The following SLC35B1 variants were observed in gnomAD, a reference collection of about 807,000 sequenced individuals.
SLC35B1 encodes solute carrier family 35 member B1, also known as ATP/ADP exchanger ER.
In SLC35B1, 27 loss-of-function variants were observed where a neutral mutation model predicts 36.6. The observed-to-expected ratio is 0.74, with a 90% confidence interval of 0.54 to 1.02. The LOEUF (loss-of-function observed/expected upper bound fraction) is 1.02. Ranked by LOEUF, SLC35B1 falls within the 50% of genes least tolerant of loss-of-function variation. SLC35B1 has a pLI of 0.00. For missense variants in SLC35B1, 321 were observed against 383.2 expected (o/e 0.84, Z 1.35); for synonymous variants, 162 against 152.5 (o/e 1.06, Z -0.46).
chr17:49,701,749 GATAC>G, intron 8 of SLC35B1: 1 of 455,100 alleles, frequency 2.2e-6, no homozygotes, highest in Admixed American at 3.5e-5. Context: ...GATAGATATA[GATAC>G]ATATATAATA....
Position 49,704,125 on chromosome 17 carries a change from A to C in SLC35B1, c.630T>G (p.Leu210=), listed in dbSNP as rs778971221. 4.3e-6 allele frequency: 7 copies of C among 1,614,074 alleles called. No individual in the cohort carries two copies. In the Admixed American group the frequency reaches 1.2e-4, roughly 27 times the overall value. ...GSNHMMLNIN[L]WSTLLLGMGI... ...CCATTCCCAGCAGCAATGTCGACCA[A>C]AGGTTGATGTTCAGCATCATGTGGT... Residue 210 remains leucine (L), a synonymous_variant, in exon 6 of 9, where the codon CTT becomes CTG. Transcript: ENST00000240333.
intron 1 of SLC35B1, 22 bp downstream of exon 1, chr17:49,707,708 G>A (rs753672811): frequency 6.2e-7 from 1 of 1,606,536 alleles, no homozygotes; most frequent in Non-Finnish European, 8.5e-7. Flanking sequence ...GAGACTGTCG[G>A]CCCGCCCCCG....
intron 8 of SLC35B1, chr17:49,701,867 A>C (rs760539086): frequency 1.4e-5 from 5 of 364,400 alleles, no homozygotes; most frequent in African/African-American, 2.1e-5. Flanking sequence ...AGGCAGGAGG[A>C]TCATTTGAGC....
chr17:49,706,900 T>C lies in SLC35B1; in HGVS notation c.208+65A>G. The C allele has an allele frequency of 7.0e-6, 8 of 1,135,978 alleles. No individual in the cohort carries two copies. In the South Asian group the frequency reaches 8.6e-5, roughly 12 times the overall value. The allele number at this position is 1,135,978 out of a possible 1,614,324, so 70.4% of individuals were successfully genotyped here. Reference sequence around the variant, plus strand: ...CCTTTAAGGTTGAATCAATGCTTAATGCCCAGCATACTGAGGGAACTTGGG... The same window carrying C: ...CCTTTAAGGTTGAATCAATGCTTAACGCCCAGCATACTGAGGGAACTTGGG... On this transcript the variant is annotated intron_variant, in intron 2 of 8. Transcript: ENST00000240333.
chr17:49,707,104 T>C (rs777115003), intron 1 of SLC35B1, 36 bp from the exon 2 acceptor site: 7 of 1,544,294 alleles, frequency 4.5e-6, no homozygotes, highest in Non-Finnish European at 6.3e-6. Flanking sequence ...AGGGAGAAAT[T>C]AGTGTATTTC....
chr17:49,703,398 T>G (rs1364571368), intron 6 of SLC35B1, 104 bp from the exon 7 acceptor site: 1 of 770,344 alleles, frequency 1.3e-6, no homozygotes. Flanking sequence ...ACATGGCCTG[T>G]TAAAGAACTG....
Position 49,704,169 on chromosome 17 carries a change from G to A in SLC35B1, c.586C>T (p.His196Tyr). ...TGVSQDHMRA[H>Y]YQTGSNHMML... ...ATGTGGTTGGAGCCTGTTTGGTAATGAGCCCGCATGTGGTCCTGGGAAACA... is the reference window on the plus strand; with the variant it reads ...ATGTGGTTGGAGCCTGTTTGGTAATAAGCCCGCATGTGGTCCTGGGAAACA... Residue 196 changes from histidine (H) to tyrosine (Y), a missense_variant, in exon 6 of 9, where the codon CAT (histidine) becomes TAT (tyrosine). Coordinates refer to ENST00000240333, the MANE Select transcript of SLC35B1 (RefSeq NM_005827.4). 1 of 1,614,114 alleles carries A rather than the reference G, an allele frequency of 6.2e-7. No homozygotes were observed. Among genetic ancestry groups the A allele is most frequent in the African/African-American group, 1.3e-5 (1 of 75,026 alleles).
chr17:49,706,054 G>A (rs962968399), intron 3 of SLC35B1, 150 bp downstream of exon 3: 21 of 1,294,202 alleles, frequency 1.6e-5, no homozygotes, highest in Middle Eastern at 2.0e-4. Context: ...ACCACTAAAC[G>A]TAAGTTCTAT....
At chr17:49,705,317 C>A (rs1433329202) in intron 4 of SLC35B1, 36 bp from the exon 5 acceptor site, 2 of 1,607,174 alleles carry the variant, frequency 1.2e-6, no homozygotes, top group Non-Finnish European at 1.7e-6. Flanking sequence ...ATTCAGGCAT[C>A]CATAAGGTAT....
In SLC35B1 at chr17:49,701,381, A is replaced by C; in HGVS notation, c.*77T>G. ...GGAACTCAGTCCCATATTCCTATTA[A>C]GTCCATTTTCCCAAGAGATGTCACT... On this transcript the variant is annotated 3_prime_UTR_variant, in exon 9 of 9. Coordinates refer to ENST00000240333, the MANE Select transcript of SLC35B1 (RefSeq NM_005827.4). 1 of 1,141,018 alleles carries C rather than the reference A, an allele frequency of 8.8e-7. No individual in the cohort carries two copies. The highest frequency in any genetic ancestry group is 1.5e-5 in the African/African-American group (1 of 65,548). 70.7% of individuals were successfully genotyped at this position (1,141,018 alleles called of 1,614,324 possible).
chr17:49,703,896 C>T (rs2073382919), intron 6 of SLC35B1: 1 of 560,680 alleles, frequency 1.8e-6, no homozygotes, highest in Non-Finnish European at 3.2e-6. Flanking sequence ...ACACGACTCT[C>T]CTTCATTGTG....
chr17:49,707,337 A>T (rs2073431859), intron 1 of SLC35B1: 1 of 1,433,294 alleles, frequency 7.0e-7, no homozygotes, highest in South Asian at 1.2e-5. Context: ...TAGTGAAATC[A>T]GGTACCCCAG....
At chr17:49,707,698 G>A in intron 1 of SLC35B1, 32 bp downstream of exon 1, 1 of 1,602,078 alleles carries the variant, frequency 6.2e-7, no homozygotes, top group East Asian at 2.2e-5. Context: ...AGGCTGGGGA[G>A]AGACTGTCGG....
rs2073350991 is a variant in SLC35B1, at chr17:49,701,515, GA to G, written c.917-6del. 1 of 1,613,132 alleles carries G rather than the reference GA, an allele frequency of 6.2e-7. No individual in the cohort carries two copies. Among genetic ancestry groups the G allele is most frequent in the South Asian group, 1.1e-5 (1 of 91,058 alleles). ...ACTTGGCATCAAGACCAAGACCTAT[GA>G]AAAGGAAGAAAATGGGCTTAGCCTT... On this transcript the variant is annotated splice_region_variant and splice_polypyrimidine_tract_variant and intron_variant, in intron 8 of 8. Coordinates refer to ENST00000240333, the MANE Select transcript of SLC35B1 (RefSeq NM_005827.4).
chr17:49,706,035 C>G (rs1045041285), intron 3 of SLC35B1, 139 bp from the exon 4 acceptor site: 1 of 1,275,394 alleles, frequency 7.8e-7, no homozygotes, highest in African/African-American at 1.5e-5. Context: ...TATCATGGCC[C>G]AACCCACCAC....
chr17:49,708,066 GC>G, upstream of SLC35B1: 4 of 869,384 alleles, frequency 4.6e-6, no homozygotes, highest in Middle Eastern at 2.2e-4. Flanking sequence ...AAGAAAACCC[GC>G]CCTGGGACCT....
intron 2 of SLC35B1, 110 bp from the exon 3 acceptor site, chr17:49,706,444 A>T (rs2073421765): frequency 3.8e-6 from 4 of 1,053,192 alleles, no homozygotes. Context: ...CTGAAGCCAC[A>T]TGAAAGGAAC....
chr17:49,706,371 G>GAAAAAAAAAAAAAAAAAAAAAAAAA, intron 2 of SLC35B1, 37 bp from the exon 3 acceptor site: 2 of 440,714 alleles, frequency 4.5e-6, no homozygotes, highest in Non-Finnish European at 6.1e-6. Context: ...AAAAAGAAAA[G>GAAAAAAAAAAAAAAAAAAAAAAAAA]AAAAGAAAAA....
upstream of SLC35B1, chr17:49,708,007 T>C (rs1287081066): frequency 6.4e-6 from 9 of 1,408,038 alleles, no homozygotes; most frequent in Non-Finnish European, 8.7e-6. Flanking sequence ...TGCCGGCTCA[T>C]GGCTGCCAAG....
Sources: gnomAD v4.1 joint callset for allele counts on GRCh38, gnomAD v4.1.1 for gene constraint, MANE v1.5 for transcripts, NCBI Gene and HGNC (gene_info 2026-07-23, HGNC 2026-07-21) for gene names.